Variants in NR2C2 observed in about 807,000 individuals in gnomAD.
The protein encoded by NR2C2 is nuclear receptor subfamily 2 group C member 2.
NR2C2 carries 6 observed loss-of-function variants against 62.9 expected under a neutral mutation model. The ratio of observed to expected loss-of-function variants is 0.10; its 90% CI spans 0.05 to 0.19. The LOEUF (loss-of-function observed/expected upper bound fraction) is 0.19, where lower values mean the gene tolerates loss of function less well. Ranked by LOEUF, NR2C2 falls within the 10% of genes least tolerant of loss-of-function variation. The probability of loss-of-function intolerance (pLI) is 1.00; values close to 1 mark genes in which losing one functional copy is unlikely to be tolerated. For missense variants in NR2C2, 479 were observed against 762.7 expected, an observed-to-expected ratio of 0.63 and a Z score of 4.38; for synonymous variants, 272 against 273.8, an observed-to-expected ratio of 0.99 and a Z score of 0.07.
chr3:15,034,724 C>T lies in NR2C2; in HGVS notation c.1287C>T (p.Leu429=), dbSNP rs145844147. The change falls in exon 11 of 14, where the codon CTC becomes CTT. Residue 429 remains leucine, a synonymous_variant. Transcript: ENST00000425241. The stretch of plus-strand genomic sequence containing the variant: ...CCTGCTGGAATGAGCTCTTCACCCT[C>T]GGCCTGGCCCAGTGTGCCCAGGTCA... ...VRACWNELFT[L]GLAQCAQVMS... 360 of 1,614,100 alleles carry T rather than the reference C, an allele frequency of 2.2e-4. No individual in the cohort carries two copies. The highest frequency in any genetic ancestry group is 3.0e-4 in the Non-Finnish European group (350 of 1,180,052).
In NR2C2 at chr3:14,964,724, G is replaced by A. The variant is rs969865881; in HGVS notation, c.-40+16818G>A. ...ATTTTTAGTAGAGACGGGTTTCACC[G>A]TGTTAGCCAGGATAGTCTTGATCTC... On this transcript the variant is annotated intron_variant, in intron 1 of 13. Coordinates refer to ENST00000425241, the MANE Select transcript of NR2C2 (RefSeq NM_001291694.2). Among the ~76,000 whole-genome samples, 16 of 150,844 alleles carry A rather than the reference G, an allele frequency of 1.1e-4. No homozygotes were observed. The East Asian group carries it at 1.6e-3, about 15-fold the overall frequency.
At chr3:14,974,622 T>C (rs1270106416) in intron 1 of NR2C2, among the ~76,000 whole-genome samples, 38 of 151,720 alleles carry the variant, frequency 2.5e-4, no homozygotes, top group African/African-American at 9.2e-4. Flanking sequence ...TTTTTTTTTT[T>C]TGAGATGGTC....
chr3:15,008,288 G>T (rs1050564783), intron 2 of NR2C2, among the ~76,000 whole-genome samples: 1 of 151,376 alleles, frequency 6.6e-6, no homozygotes, highest in African/African-American at 2.4e-5. Flanking sequence ...TTTGGAGGCC[G>T]ATGTAGGTGG....
At chr3:14,992,048 A>G (rs2040687810) in intron 1 of NR2C2, among the ~76,000 whole-genome samples, 1 of 152,068 alleles carries the variant, frequency 6.6e-6, no homozygotes, top group African/African-American at 2.4e-5. Flanking sequence ...CTGTGATTAT[A>G]GACATGAGCC....
intron 2 of NR2C2, among the ~76,000 whole-genome samples, chr3:15,007,269 A>T (rs1223715524): frequency 6.6e-6 from 1 of 151,860 alleles, no homozygotes; most frequent in Non-Finnish European, 1.5e-5. Context: ...CTGGGAATAC[A>T]GGTGCTCGCC....
At chr3:14,970,206 T>C (rs1364158823) in intron 1 of NR2C2, among the ~76,000 whole-genome samples, 1 of 131,810 alleles carries the variant, frequency 7.6e-6, no homozygotes, top group Non-Finnish European at 1.6e-5. Flanking sequence ...AAAATGTCCT[T>C]ACCCCACTAT....
At chr3:14,988,863 C>A (rs2040583919) in intron 1 of NR2C2, among the ~76,000 whole-genome samples, 1 of 152,080 alleles carries the variant, frequency 6.6e-6, no homozygotes, top group South Asian at 2.1e-4. Context: ...TATGTTAGTG[C>A]ACATGCAAAC....
In NR2C2 at chr3:15,007,057, G is replaced by A. The variant is rs556895992; in HGVS notation, c.72+3071G>A. Among the ~76,000 whole-genome samples, 14 of 151,446 alleles carry A rather than the reference G, an allele frequency of 9.2e-5. No homozygotes were observed. The East Asian group carries it at 1.8e-3, about 19-fold the overall frequency. On this transcript the variant is annotated intron_variant, in intron 2 of 13. Transcript: ENST00000425241. ...CCCAAAGTGCTGGGATTACAGGCGC[G>A]AGCCACTGTGCCACCCAGCCCAAAT...
chr3:15,006,392 A>G (rs1002788487), intron 2 of NR2C2, among the ~76,000 whole-genome samples: 23 of 152,260 alleles, frequency 1.5e-4, no homozygotes, highest in African/African-American at 5.3e-4. Flanking sequence ...GGTATGCTCT[A>G]ATATACCCTG....
chr3:14,976,762 G>A (rs1298514100), intron 1 of NR2C2, among the ~76,000 whole-genome samples: 2 of 151,932 alleles, frequency 1.3e-5, no homozygotes, highest in Non-Finnish European at 2.9e-5. Flanking sequence ...AATCTAAGTT[G>A]AAAATAATTT....
chr3:14,966,830 T>C (rs550822327), intron 1 of NR2C2, among the ~76,000 whole-genome samples: 7 of 152,310 alleles, frequency 4.6e-5, no homozygotes, highest in Non-Finnish European at 7.4e-5. Context: ...AATATAGTGG[T>C]CAACAGTGTA....
intron 11 of NR2C2, among the ~76,000 whole-genome samples, chr3:15,036,083 G>T (rs191168521): frequency 1.4e-3 from 217 of 152,172 alleles, no homozygotes; most frequent in African/African-American, 5.1e-3. Context: ...CCAGCTACTC[G>T]GGAGGCTGAG....
At chr3:15,021,880 A>G (rs1453885281) in intron 5 of NR2C2, among the ~76,000 whole-genome samples, 2 of 152,274 alleles carry the variant, frequency 1.3e-5, no homozygotes, top group African/African-American at 4.8e-5. Flanking sequence ...TTTTTGAGAA[A>G]TTAGAAATAT....
At chr3:15,006,637 C>T (rs938979035) in intron 2 of NR2C2, among the ~76,000 whole-genome samples, 15 of 152,150 alleles carry the variant, frequency 9.9e-5, no homozygotes, top group Non-Finnish European at 1.0e-4. Flanking sequence ...CTCTAGGTTC[C>T]TGGGCCATGC....
rs147141860 is a variant in NR2C2 at position 15,016,794 on chromosome 3, A to G, written c.376+540A>G. Reference sequence around the variant, plus strand: ...TGGAGCAGGAGGAGGGCATTCCAGCAAGTGGAGCCAGGGCCTAGAGTTTAA... The same window carrying G: ...TGGAGCAGGAGGAGGGCATTCCAGCGAGTGGAGCCAGGGCCTAGAGTTTAA... On this transcript the variant is annotated intron_variant, in intron 4 of 13. Coordinates refer to ENST00000425241, the MANE Select transcript of NR2C2 (RefSeq NM_001291694.2). Among the ~76,000 whole-genome samples, 729 of 152,290 alleles carry G rather than the reference A, an allele frequency of 4.8e-3. 6 individuals are homozygous for G. Among genetic ancestry groups the G allele is most frequent in the African/African-American group, 0.016 (665 of 41,562 alleles).
intron 13 of NR2C2, among the ~76,000 whole-genome samples, chr3:15,041,478 A>AT (rs1364416762): frequency 3.3e-5 from 5 of 152,206 alleles, no homozygotes; most frequent in African/African-American, 1.2e-4. Context: ...ACATTTTCCC[A>AT]TTTTAAAAAT....
At chr3:14,949,968 C>T (rs1391502562) in intron 1 of NR2C2, among the ~76,000 whole-genome samples, 1 of 152,132 alleles carries the variant, frequency 6.6e-6, no homozygotes, top group African/African-American at 2.4e-5. Flanking sequence ...TGTAAGCTAC[C>T]TTTCCTAGCC....
intron 4 of NR2C2, among the ~76,000 whole-genome samples, chr3:15,020,054 AAG>A (rs1205929558): frequency 1.3e-5 from 2 of 152,244 alleles, no homozygotes; most frequent in Non-Finnish European, 2.9e-5. Context: ...CAGAAATAAA[AAG>A]AGACACCAAA....
chr3:14,948,640 C>A (rs1192654268), intron 1 of NR2C2: 1 of 153,200 alleles, frequency 6.5e-6, no homozygotes, highest in East Asian at 1.9e-4. Flanking sequence ...GTGGAGAGGC[C>A]GGCGCCTGGT....
Sources: gnomAD v4.1 joint callset for allele counts (sites outside exome capture counted in the v4.1 genomes callset) on GRCh38, gnomAD v4.1.1 for gene constraint, MANE v1.5 for transcripts, NCBI Gene and HGNC (gene_info 2026-07-23, HGNC 2026-07-21) for gene names.